ZNF385D: variants seen among roughly 807,000 people sequenced by gnomAD.
ZNF385D encodes the protein zinc finger protein 659.
ZNF385D carries 15 observed loss-of-function variants against 35.8 expected under a neutral mutation model. That is an observed-to-expected ratio of 0.42 (90% confidence interval 0.28 to 0.64). The LOEUF (loss-of-function observed/expected upper bound fraction) is 0.64. Among genes scored for constraint, ZNF385D ranks in the 30% least tolerant of loss-of-function variants. The probability of loss-of-function intolerance (pLI) is 0.23; values close to 1 mark genes in which losing one functional copy is unlikely to be tolerated. For synonymous variants in ZNF385D, 212 were observed against 186.8 expected (o/e 1.13, Z -1.10); for missense variants, 474 against 494.6 (o/e 0.96, Z 0.39).
At chr3:21,966,183 C>A (rs952912283) in intron 3 of ZNF385D, among the ~76,000 whole-genome samples, 31 of 152,022 alleles carry the variant, frequency 2.0e-4, no homozygotes, top group African/African-American at 7.5e-4. Flanking sequence ...TTTGATGAAA[C>A]CAATAATTTA....
In ZNF385D at chr3:22,238,213, A is replaced by T. The variant is rs79549191; in HGVS notation, c.107-69178T>A. Among the ~76,000 whole-genome samples the T allele has an allele frequency of 4.8e-3, 733 of 151,198 alleles. 57 individuals are homozygous for T. The highest frequency in any genetic ancestry group is 0.017 in the African/African-American group (696 of 40,974). ...CATTCCATTGATTTCTGTGGCTTGT[A>T]GTAAGTTTTGCAATTGGAAAGTGCA... On this transcript the variant is annotated intron_variant, in intron 2 of 5. Transcript: ENST00000494108.
chr3:22,039,121 A>T (rs547470342), intron 3 of ZNF385D, among the ~76,000 whole-genome samples: 1 of 151,966 alleles, frequency 6.6e-6, no homozygotes, highest in East Asian at 1.9e-4. Context: ...CCAGAAGTGG[A>T]AGCATATAGC....
chr3:21,970,014 C>G (rs1298089748), intron 3 of ZNF385D, among the ~76,000 whole-genome samples: 1 of 152,124 alleles, frequency 6.6e-6, no homozygotes, highest in Non-Finnish European at 1.5e-5. Context: ...TGGGTGTCCC[C>G]TAAGGCAGAT....
intron 1 of ZNF385D, among the ~76,000 whole-genome samples, chr3:21,745,022 A>C (rs1482892337): frequency 6.6e-6 from 1 of 152,164 alleles, no homozygotes; most frequent in African/African-American, 2.4e-5. Flanking sequence ...AGTCTTGCAC[A>C]TCCAACACAT....
chr3:22,083,755 A>G (rs1473847381), intron 3 of ZNF385D, among the ~76,000 whole-genome samples: 1 of 152,174 alleles, frequency 6.6e-6, no homozygotes, highest in Non-Finnish European at 1.5e-5. Flanking sequence ...CTCCTCAAGA[A>G]GAGCATCCCT....
intron 3 of ZNF385D, among the ~76,000 whole-genome samples, chr3:21,776,824 G>A (rs1372507814): frequency 2.6e-5 from 4 of 151,870 alleles, no homozygotes; most frequent in East Asian, 3.9e-4. Flanking sequence ...CATGAGAAAG[G>A]CACATTTGCT....
At chr3:21,947,955 A>G (rs1222815572) in intron 3 of ZNF385D, among the ~76,000 whole-genome samples, 5 of 152,128 alleles carry the variant, frequency 3.3e-5, no homozygotes. Context: ...TTTTGATACA[A>G]TTAGTTCTTT....
At chr3:22,155,519 A>C (rs796229249) in intron 3 of ZNF385D, among the ~76,000 whole-genome samples, 1 of 152,206 alleles carries the variant, frequency 6.6e-6, no homozygotes, top group East Asian at 1.9e-4. Flanking sequence ...GTGATTAGGC[A>C]AAAGGGGTCC....
At chr3:22,334,669 A>G (rs1278010159) in intron 2 of ZNF385D, among the ~76,000 whole-genome samples, 1 of 152,136 alleles carries the variant, frequency 6.6e-6, no homozygotes, top group Non-Finnish European at 1.5e-5. Context: ...ACATCAGTCC[A>G]TTGTTTCAGA....
intron 3 of ZNF385D, among the ~76,000 whole-genome samples, chr3:21,527,560 A>T (rs233156): frequency 0.17 from 25,472 of 152,120 alleles, 2,156 homozygotes; most frequent in Admixed American, 0.25. Context: ...GTTAAAGACT[A>T]CAGAGGAGTC....
chr3:22,357,592 AT>A (rs1189632941), intron 2 of ZNF385D, among the ~76,000 whole-genome samples: 2 of 151,674 alleles, frequency 1.3e-5, no homozygotes, highest in African/African-American at 4.9e-5. Context: ...AAATCCTAAA[AT>A]TCTAGTAACT....
At chr3:21,619,412 G>C (rs1294665780) in intron 2 of ZNF385D, among the ~76,000 whole-genome samples, 2 of 140,734 alleles carry the variant, frequency 1.4e-5, no homozygotes, top group Non-Finnish European at 3.0e-5. Flanking sequence ...TCGTGTGTGT[G>C]CGTGTGTGTG....
At chr3:21,831,159 A>G (rs1210972568) in intron 3 of ZNF385D, among the ~76,000 whole-genome samples, 1 of 152,132 alleles carries the variant, frequency 6.6e-6, no homozygotes, top group Non-Finnish European at 1.5e-5. Context: ...TTTTGTAAAA[A>G]TATTTTACTT....
At chr3:21,771,407 G>C (rs1283290350) in intron 3 of ZNF385D, among the ~76,000 whole-genome samples, 1 of 151,790 alleles carries the variant, frequency 6.6e-6, no homozygotes, top group African/African-American at 2.4e-5. Context: ...CACATTATTA[G>C]ATTTAAATGT....
intron 4 of ZNF385D, among the ~76,000 whole-genome samples, chr3:21,445,088 T>C (rs985714628): frequency 2.0e-5 from 3 of 152,214 alleles, no homozygotes; most frequent in Non-Finnish European, 4.4e-5. Context: ...GGATCCCATA[T>C]TGGCCAGCCA....
Position 22,041,707 on chromosome 3 carries a change from G to A in ZNF385D, c.325+127110C>T, listed in dbSNP as rs114715102. 5.5e-3 allele frequency among the ~76,000 whole-genome samples: 836 copies of A among 152,144 alleles called. 4 individuals are homozygous for A. The highest frequency in any genetic ancestry group is 0.014 in the Middle Eastern group (4 of 294). On this transcript the variant is annotated intron_variant, in intron 3 of 5. Transcript: ENST00000494108. ...GATCTGCACTTAACTGATTACACCT[G>A]AAATATTGTTTTAGGTGCTAGAAAC... is the stretch of plus-strand genomic sequence containing the variant.
chr3:21,801,853 G>A (rs973309356), intron 3 of ZNF385D, among the ~76,000 whole-genome samples: 1 of 152,076 alleles, frequency 6.6e-6, no homozygotes. Context: ...CTTACTCTCT[G>A]TCTGTGTAAT....
intron 2 of ZNF385D, among the ~76,000 whole-genome samples, chr3:21,569,831 T>TCTCA (rs1381769738): frequency 6.8e-6 from 1 of 146,114 alleles, no homozygotes; most frequent in African/African-American, 2.6e-5. Flanking sequence ...CACTGCGTGT[T>TCTCA]CTCACTCATA....
rs547811312 is a variant in ZNF385D at position 21,890,462 on chromosome 3, T to C, written c.326-225434A>G. Among the ~76,000 whole-genome samples, 133 of 151,950 alleles carry C rather than the reference T, an allele frequency of 8.8e-4. 1 individual carries two copies. Among genetic ancestry groups the C allele is most frequent in the Non-Finnish European group, 2.9e-4 (20 of 67,922 alleles). On this transcript the variant is annotated intron_variant, in intron 3 of 5. Transcript: ENST00000494108. ...GGTGAAACCCCATCTCTACTAAAAA[T>C]ACAAAAATTAGCTGTGCATGGTGGC...
Sources: allele counts gnomAD v4.1 joint callset (sites outside exome capture counted in the v4.1 genomes callset), GRCh38; gene constraint gnomAD v4.1.1; transcripts MANE v1.5; gene names NCBI Gene and HGNC (gene_info 2026-07-23, HGNC 2026-07-21).